ABCA10: variants seen among roughly 807,000 people sequenced by gnomAD.
ABCA10 encodes the protein ATP-binding cassette sub-family A member 10.
A neutral mutation model predicts 187.5 loss-of-function variants in ABCA10; 169 were observed. The observed-to-expected ratio is 0.90, with a 90% confidence interval of 0.80 to 1.02. ABCA10 has a LOEUF of 1.02. Among genes scored for constraint, ABCA10 ranks in the 50% least tolerant of loss-of-function variants. The pLI, the probability that ABCA10 is intolerant of heterozygous loss-of-function variation, is 0.00. For synonymous variants in ABCA10, 574 were observed against 601.8 expected, an observed-to-expected ratio of 0.95 and a Z score of 0.68; for missense variants, 1,727 against 1,812.4, an observed-to-expected ratio of 0.95 and a Z score of 0.86.
At chr17:69,149,458 A>T (rs1380819635) in intron 37 of ABCA10, 2 of 207,000 alleles carry the variant, frequency 9.7e-6, no homozygotes, top group Non-Finnish European at 2.0e-5. Flanking sequence ...ATTCTGCGTC[A>T]ATAGCCATAA....
chr17:69,170,437 C>CAAA (rs71144658), intron 25 of ABCA10, among the ~76,000 whole-genome samples: 103 of 109,650 alleles, frequency 9.4e-4, no homozygotes, highest in African/African-American at 2.5e-3. Flanking sequence ...TTTTACTCAT[C>CAAA]AAAAAAAAAA....
At chr17:69,150,688 G>C (rs1804307815) in intron 36 of ABCA10, among the ~76,000 whole-genome samples, 1 of 152,128 alleles carries the variant, frequency 6.6e-6, no homozygotes. Context: ...TAATAGAGTA[G>C]CTATTAAATC....
chr17:69,225,227 A>C, intron 3 of ABCA10, 98 bp downstream of exon 3: 6 of 1,367,424 alleles, frequency 4.4e-6, no homozygotes, highest in Non-Finnish European at 6.2e-6. Flanking sequence ...TCAGTTGAGA[A>C]TCACTGACAC....
At chr17:69,184,545 A>C (rs1248027032) in intron 20 of ABCA10, among the ~76,000 whole-genome samples, 1 of 152,176 alleles carries the variant, frequency 6.6e-6, no homozygotes, top group African/African-American at 2.4e-5. Context: ...AAGATGGATC[A>C]AAAAATAATA....
intron 22 of ABCA10, among the ~76,000 whole-genome samples, chr17:69,177,326 A>G (rs1390846520): frequency 6.6e-6 from 1 of 152,102 alleles, no homozygotes; most frequent in African/African-American, 2.4e-5. Context: ...CTACTATTCT[A>G]TGAAATTCAC....
chr17:69,228,276 AAAG>A (rs1157856271), intron 1 of ABCA10, among the ~76,000 whole-genome samples: 1 of 151,944 alleles, frequency 6.6e-6, no homozygotes, highest in East Asian at 1.9e-4. Flanking sequence ...CACACATTCT[AAAG>A]AAGTAAAACC....
At chr17:69,225,628 G>A in intron 2 of ABCA10, 99 bp from the exon 3 acceptor site, 2 of 377,662 alleles carry the variant, frequency 5.3e-6, no homozygotes, top group Middle Eastern at 1.2e-3. Flanking sequence ...TTGCCATTGA[G>A]CATGACTTCA....
intron 30 of ABCA10, 98 bp from the exon 31 acceptor site, chr17:69,154,424 T>C (rs2074157863): frequency 1.4e-6 from 1 of 713,658 alleles, no homozygotes; most frequent in Non-Finnish European, 2.2e-6. Flanking sequence ...AAATGACTTT[T>C]TTTTTTTTTT....
chr17:69,151,385 G>C (rs2074127187), intron 36 of ABCA10, among the ~76,000 whole-genome samples: 1 of 151,960 alleles, frequency 6.6e-6, no homozygotes, highest in African/African-American at 2.4e-5. Flanking sequence ...TGTCTATTTT[G>C]TTGACTATTC....
intron 36 of ABCA10, 131 bp downstream of exon 36, chr17:69,151,912 C>T: frequency 2.9e-6 from 4 of 1,381,970 alleles, no homozygotes; most frequent in Non-Finnish European, 3.9e-6. Context: ...CCTAGCAATC[C>T]TCAAACAGGT....
chr17:69,154,978 A>G (rs770237859), intron 30 of ABCA10, 41 bp downstream of exon 30: 1 of 1,422,568 alleles, frequency 7.0e-7, no homozygotes, highest in South Asian at 1.2e-5. Flanking sequence ...CTAGAGAATA[A>G]GGAACATTAT....
intron 2 of ABCA10, among the ~76,000 whole-genome samples, 192 bp downstream of exon 2, chr17:69,226,953 G>A: frequency 6.6e-6 from 1 of 151,538 alleles, no homozygotes; most frequent in East Asian, 1.9e-4. Context: ...TTTCACATTT[G>A]ACACAAATAT....
upstream of ABCA10, chr17:69,233,176 C>CAAAG (rs2074842850): frequency 6.6e-6 from 1 of 152,126 alleles, no homozygotes; most frequent in East Asian, 1.9e-4. Context: ...TCTCAACTCT[C>CAAAG]TCTTTAACTC....
chr17:69,205,028 T>G (rs1238868458), intron 9 of ABCA10, among the ~76,000 whole-genome samples: 6 of 152,172 alleles, frequency 3.9e-5, no homozygotes, highest in African/African-American at 1.4e-4. Context: ...CTGGGGAGGC[T>G]GAGGTGGGAG....
Position 69,182,704 on chromosome 17 carries a change from C to T in ABCA10, c.2602G>A (p.Gly868Arg), listed in dbSNP as rs2074389726. The change falls in exon 21 of 39, where the codon GGA (glycine) becomes AGA (arginine). Residue 868 changes from glycine to arginine, a missense_variant. Coordinates refer to ENST00000690296, the MANE Select transcript of ABCA10 (RefSeq NM_001377321.1). ...TGGTCACCAGACACTATGATGGCTC[C>T]ATTGTAGGAGGGATCATCTGAGCCA... The part of the protein sequence containing the change: ...RNGSDDPSYN[G>R]AIIVSGDQKD... 6.2e-6 allele frequency: 10 copies of T among 1,608,710 alleles called. No homozygotes were observed. The highest frequency in any genetic ancestry group is 8.5e-6 in the Non-Finnish European group (10 of 1,178,176).
chr17:69,216,487 C>T, intron 6 of ABCA10, 129 bp from the exon 7 acceptor site: 1 of 1,034,662 alleles, frequency 9.7e-7, no homozygotes, highest in Non-Finnish European at 1.4e-6. Flanking sequence ...TGGCCATACA[C>T]ATTTTGTGAC....
In ABCA10 at chr17:69,175,472, T is replaced by C. The variant is rs1363825630; in HGVS notation, c.2811A>G (p.Ile937Met). ...VLDLGFIDGS[I>M]FLLLITNCVS... ...CGCAGTTTGTGATCAACAACAAAAATATGGACCCATCTATAAAACCAAGAT... is the reference window on the plus strand; with the variant it reads ...CGCAGTTTGTGATCAACAACAAAAACATGGACCCATCTATAAAACCAAGAT... Residue 937 changes from isoleucine (I) to methionine (M), a missense_variant, in exon 23 of 39, where the codon ATA (isoleucine) becomes ATG (methionine). Physicochemically the swap from Ile to Met is conservative, Grantham distance 10. Transcript: ENST00000690296. The C allele has an allele frequency of 3.1e-6, 5 of 1,611,784 alleles. No homozygotes were observed. The Admixed American group carries it at 8.4e-5, about 27-fold the overall frequency.
At chr17:69,199,640 A>G (rs538597355) in intron 10 of ABCA10, among the ~76,000 whole-genome samples, 4 of 152,218 alleles carry the variant, frequency 2.6e-5, no homozygotes, top group Non-Finnish European at 5.9e-5. Flanking sequence ...TAGGATGACT[A>G]GCATCAACCA....
intron 10 of ABCA10, among the ~76,000 whole-genome samples, chr17:69,197,690 CTCACTCTTTTGTTT>C (rs1164025206): frequency 2.0e-5 from 3 of 152,148 alleles, no homozygotes; most frequent in African/African-American, 7.2e-5. Flanking sequence ...TAAACTATTA[CTCACTCTTTTGTTT>C]TCTTAAGTCT....
Sources: gnomAD v4.1 joint callset for allele counts (sites outside exome capture counted in the v4.1 genomes callset) on GRCh38, gnomAD v4.1.1 for gene constraint, MANE v1.5 for transcripts, NCBI Gene and HGNC (gene_info 2026-07-23, HGNC 2026-07-21) for gene names.